The following AP2A2 variants were observed in gnomAD, a reference collection of about 807,000 sequenced individuals.
AP2A2 encodes AP-2 complex subunit alpha-2.
In AP2A2, 32 loss-of-function variants were observed where a neutral mutation model predicts 104.2. The ratio of observed to expected loss-of-function variants is 0.31; its 90% CI spans 0.23 to 0.41. AP2A2 has a LOEUF of 0.41. Ranked by LOEUF, AP2A2 falls within the 10% of genes least tolerant of loss-of-function variation. AP2A2 has a pLI of 1.00. For synonymous variants in AP2A2, 539 were observed against 533.3 expected, an observed-to-expected ratio of 1.01 and a Z score of -0.15; for missense variants, 912 against 1,261.0, an observed-to-expected ratio of 0.72 and a Z score of 4.19.
chr11:984,252 G>A (rs1028844615), intron 6 of AP2A2, among the ~76,000 whole-genome samples: 10 of 152,248 alleles, frequency 6.6e-5, no homozygotes, highest in African/African-American at 2.2e-4. Context: ...GCCTGTGGTC[G>A]GGGGGCCCTG....
In AP2A2 at chr11:993,679, T is replaced by C. The variant is rs1313627362; in HGVS notation, c.1551-75T>C. On this transcript the variant is annotated intron_variant, in intron 12 of 21. Transcript: ENST00000448903. This position sits in a 1 kb window ranked among gnomAD's most constrained non-coding sequence, Gnocchi z 8.2. ...TGCAGGCCAGGGGGTCTCGCCGCCG[T>C]CCCCCCCCCGCGGGGGCGTGCTGCA... 3 of 1,122,536 alleles carry C rather than the reference T, an allele frequency of 2.7e-6. No individual in the cohort carries two copies. Among genetic ancestry groups the C allele is most frequent in the Non-Finnish European group, 2.5e-6 (2 of 800,158 alleles). The allele number at this position is 1,122,536 out of a possible 1,614,324, so 69.5% of individuals were successfully genotyped here.
Position 1,010,541 on chromosome 11 carries a change from G to A in AP2A2, c.2743-7G>A. On this transcript the variant is annotated splice_region_variant and splice_polypyrimidine_tract_variant and intron_variant, in intron 21 of 21. Transcript: ENST00000448903. ...TGCCCGTTGACCTGCTGTGCTCTCT[G>A]TTTCAGATGTACCGGCTCACGCTGC... 5.1e-6 allele frequency: 8 copies of A among 1,584,146 alleles called. No individual in the cohort carries two copies. Among genetic ancestry groups the A allele is most frequent in the Non-Finnish European group, 6.9e-6 (8 of 1,165,248 alleles).
intron 2 of AP2A2, among the ~76,000 whole-genome samples, chr11:967,194 G>A (rs1322074289): frequency 3.3e-5 from 5 of 151,850 alleles, no homozygotes; most frequent in Non-Finnish European, 5.9e-5. Context: ...AACCAAGCAG[G>A]TTTCAGTCAT....
rs1855071918 is a variant in AP2A2 at position 977,135 on chromosome 11, T to C, written c.514T>C (p.Leu172=). The change falls in exon 5 of 22, where the codon TTG becomes CTG. Residue 172 remains leucine, a synonymous_variant. Transcript: ENST00000448903. ...CGTGAAGCAGAGCGCGGCCCTGTGC[T>C]TGCTGCGCCTGTACAGGACGTCCCC... ...DSVKQSAALC[L]LRLYRTSPDL... 4 of 1,613,670 alleles carry C rather than the reference T, an allele frequency of 2.5e-6. No individual in the cohort carries two copies. Among genetic ancestry groups the C allele is most frequent in the Non-Finnish European group, 3.4e-6 (4 of 1,179,814 alleles).
At chr11:985,992 C>T (rs923846078) in intron 8 of AP2A2, among the ~76,000 whole-genome samples, 6 of 152,224 alleles carry the variant, frequency 3.9e-5, no homozygotes, top group South Asian at 2.1e-4. Flanking sequence ...TGCCCATCCA[C>T]GAAGCGCAGA....
chr11:1,006,496 G>A, intron 16 of AP2A2, 32 bp from the exon 17 acceptor site: 1 of 1,450,350 alleles, frequency 6.9e-7, no homozygotes, highest in Non-Finnish European at 9.7e-7. Context: ...GTGAAATGGT[G>A]TGTGTGAAAA....
chr11:1,006,916 C>T, intron 17 of AP2A2: 1 of 346,088 alleles, frequency 2.9e-6, no homozygotes, highest in Non-Finnish European at 5.2e-6. Context: ...TCTTACTCTC[C>T]TGTGACGTGA....
chr11:944,070 C>G (rs1261865636), intron 1 of AP2A2, among the ~76,000 whole-genome samples: 3 of 151,932 alleles, frequency 2.0e-5, no homozygotes, highest in Non-Finnish European at 4.4e-5. Flanking sequence ...GTAAGGGAGT[C>G]TGACTGGAGA....
chr11:999,287 G>A (rs1377899145), intron 14 of AP2A2, among the ~76,000 whole-genome samples: 3 of 152,156 alleles, frequency 2.0e-5, no homozygotes, highest in African/African-American at 7.2e-5. Flanking sequence ...CGAGGTGAAC[G>A]TATCACCTGA....
intron 21 of AP2A2, chr11:1,010,246 G>T: frequency 1.9e-6 from 1 of 529,804 alleles, no homozygotes; most frequent in Non-Finnish European, 3.4e-6. Flanking sequence ...GTGGCACCCA[G>T]GAGTGCTGCT....
At position 988,704 on chromosome 11, in the gene AP2A2, C is replaced by T; in HGVS notation, c.1269+15C>T. ...GAGAAGAGATTGTGAGTTCTGGTGGCCTCTGAGTCCTCTCCTGCCACAGGC... is the reference window on the plus strand; with the variant it reads ...GAGAAGAGATTGTGAGTTCTGGTGGTCTCTGAGTCCTCTCCTGCCACAGGC... On this transcript the variant is annotated intron_variant, in intron 10 of 21. Transcript: ENST00000448903. The T allele has an allele frequency of 6.2e-7, 1 of 1,612,844 alleles. No individual in the cohort carries two copies. Among genetic ancestry groups the T allele is most frequent in the South Asian group, 1.1e-5 (1 of 91,078 alleles).
At chr11:1,000,008 G>T (rs894202479) in intron 14 of AP2A2, among the ~76,000 whole-genome samples, 1 of 151,490 alleles carries the variant, frequency 6.6e-6, no homozygotes, top group Non-Finnish European at 1.5e-5. Flanking sequence ...GGGTTTCACC[G>T]TGTTAGCCAG....
chr11:1,010,448 TC>T, intron 21 of AP2A2, 99 bp from the exon 22 acceptor site: 1 of 927,994 alleles, frequency 1.1e-6, no homozygotes. Flanking sequence ...CAGAGAGTGG[TC>T]CCTGGGCATG....
At chr11:969,193 A>T in intron 2 of AP2A2, among the ~76,000 whole-genome samples, 1 of 143,030 alleles carries the variant, frequency 7.0e-6, no homozygotes, top group African/African-American at 2.6e-5. Context: ...CAGGTGGGAT[A>T]GAAACTCCTG....
chr11:932,895 A>G, intron 1 of AP2A2: 1 of 369,752 alleles, frequency 2.7e-6, no homozygotes, highest in South Asian at 2.0e-5. Context: ...TTTGGTAACA[A>G]TCTGTGTCAA....
chr11:974,579 G>A (rs1056649396), intron 4 of AP2A2, among the ~76,000 whole-genome samples: 8 of 151,482 alleles, frequency 5.3e-5, no homozygotes, highest in African/African-American at 1.9e-4. Flanking sequence ...TACTCAGAAG[G>A]CTTGAGGCAG....
At chr11:952,617 A>G (rs547566588) in intron 1 of AP2A2, among the ~76,000 whole-genome samples, 17 of 152,184 alleles carry the variant, frequency 1.1e-4, no homozygotes, top group Non-Finnish European at 2.1e-4. Context: ...TCAGACAGGA[A>G]TAGTGCAGGA....
chr11:940,471 G>A (rs188035903), intron 1 of AP2A2, among the ~76,000 whole-genome samples: 1 of 148,664 alleles, frequency 6.7e-6, no homozygotes, highest in Non-Finnish European at 1.5e-5. Flanking sequence ...TGCCTTTCGC[G>A]TTCTGTTTCC....
chr11:978,704 G>A (rs920167378), intron 5 of AP2A2, among the ~76,000 whole-genome samples: 4 of 152,158 alleles, frequency 2.6e-5, no homozygotes, highest in Non-Finnish European at 5.9e-5. Flanking sequence ...CTCTGACAGC[G>A]AAGGCCTGAG....
Sources: gnomAD v4.1 joint callset for allele counts (sites outside exome capture counted in the v4.1 genomes callset) on GRCh38, gnomAD v4.1.1 for gene constraint, Gnocchi (gnomAD v3.1) non-coding constraint, MANE v1.5 for transcripts, NCBI Gene and HGNC (gene_info 2026-07-23, HGNC 2026-07-21) for gene names.